NLRP14: variants seen among roughly 807,000 people sequenced by gnomAD.
NLRP14 encodes NLR family pyrin domain containing 14.
NLRP14 carries 105 observed loss-of-function variants against 94.7 expected under a neutral mutation model. That is an observed-to-expected ratio of 1.11 (90% CI 0.95 to 1.30). The LOEUF (loss-of-function observed/expected upper bound fraction) is 1.30, where lower values mean the gene tolerates loss of function less well. Ranked by LOEUF, NLRP14 falls within the 50% of genes most tolerant of loss-of-function variation. The pLI is 0.00. For synonymous variants in NLRP14, 508 were observed against 459.9 expected, an observed-to-expected ratio of 1.10 and a Z score of -1.34; for missense variants, 1,362 against 1,254.1, an observed-to-expected ratio of 1.09 and a Z score of -1.30.
At chr11:7,047,316 T>TC (rs1302576345) in intron 5 of NLRP14, among the ~76,000 whole-genome samples, 11 of 21,730 alleles carry the variant, frequency 5.1e-4, no homozygotes, top group African/African-American at 5.9e-4. Flanking sequence ...TGTACCCCTT[T>TC]CGTTTTTTTT....
chr11:7,090,094 G>A, the NLRP14 span: 2 of 1,611,886 alleles, frequency 1.2e-6, no homozygotes. Context: ...GGCCGCGACA[G>A]TTACAGCAGC....
chr11:7,021,853 C>T (rs1851946449), intron 1 of NLRP14, among the ~76,000 whole-genome samples: 1 of 150,818 alleles, frequency 6.6e-6, no homozygotes, highest in Non-Finnish European at 1.5e-5. Context: ...AATGCAGAGA[C>T]ATTGACCGGT....
chr11:7,048,881 T>C (rs7118931), intron 5 of NLRP14, among the ~76,000 whole-genome samples: 96,268 of 151,936 alleles, frequency 0.63, 30,987 homozygotes, highest in East Asian at 0.87. Flanking sequence ...GGTCCCTTTT[T>C]CCTAATAAGT....
downstream of NLRP14, among the ~76,000 whole-genome samples, chr11:7,072,336 A>T (rs1852813165): frequency 6.6e-6 from 1 of 152,232 alleles, no homozygotes; most frequent in Non-Finnish European, 1.5e-5. Flanking sequence ...TCCTGTTATC[A>T]GCCGGAAGTC....
intron 6 of NLRP14, among the ~76,000 whole-genome samples, chr11:7,055,907 G>A (rs1375184616): frequency 6.6e-6 from 1 of 152,028 alleles, no homozygotes; most frequent in Non-Finnish European, 1.5e-5. Flanking sequence ...GCACTATTAA[G>A]AGGAAGTCGT....
rs373713380 is a variant in NLRP14 at position 7,039,805 on chromosome 11, A to C, written c.361+20A>C. Reference sequence around the variant, plus strand: ...TGCTGGGTGAGTAGTTAGGCCTTTCATCAGATTTGGGAGGCATTCAAAGTT... The same window carrying C: ...TGCTGGGTGAGTAGTTAGGCCTTTCCTCAGATTTGGGAGGCATTCAAAGTT... On this transcript the variant is annotated intron_variant, in intron 3 of 11. Transcript: ENST00000299481. 7 of 1,594,082 alleles carry C rather than the reference A, an allele frequency of 4.4e-6. No individual in the cohort carries two copies. Among genetic ancestry groups the C allele is most frequent in the Non-Finnish European group, 1.7e-6 (2 of 1,161,752 alleles).
chr11:7,038,598 A>G lies in NLRP14; in HGVS notation c.12A>G (p.Ser4=). ...AATATTTGGACAAGATGGCAGATTC[A>G]TCATCATCTTCTTTCTTTCCTGATT... MAD[S]SSSSFFPDFG... is the part of the protein sequence containing the mutation. Residue 4 remains serine (S), a synonymous_variant, in exon 2 of 12, where the codon TCA becomes TCG. Coordinates refer to ENST00000299481, the MANE Select transcript of NLRP14 (RefSeq NM_176822.4). 1.9e-6 allele frequency: 3 copies of G among 1,613,810 alleles called. No homozygotes were observed. The highest frequency in any genetic ancestry group is 2.5e-6 in the Non-Finnish European group (3 of 1,179,960).
chr11:7,036,975 G>C (rs929564944), intron 1 of NLRP14, among the ~76,000 whole-genome samples: 3 of 152,114 alleles, frequency 2.0e-5, no homozygotes, highest in Non-Finnish European at 2.9e-5. Context: ...TTAGATCACA[G>C]GTAGAGAAAT....
Position 7,042,941 on chromosome 11 carries a change from GACA to G in NLRP14, c.920_922del (p.Thr307del). On this transcript the variant is annotated inframe_deletion, in exon 4 of 12. Transcript: ENST00000299481. The stretch of plus-strand genomic sequence containing the variant: ...TGCTCCCTGAGGCATCCTTATTGGT[GACA>G]ACAAGACTCACAACTTCTAAGAGAC... 1 of 1,613,994 alleles carries G rather than the reference GACA, an allele frequency of 6.2e-7. No individual in the cohort carries two copies. Among genetic ancestry groups the G allele is most frequent in the Non-Finnish European group, 8.5e-7 (1 of 1,179,878 alleles).
intron 1 of NLRP14, among the ~76,000 whole-genome samples, chr11:7,021,431 C>A (rs192892283): frequency 2.0e-5 from 3 of 152,288 alleles, no homozygotes; most frequent in Admixed American, 2.0e-4. Context: ...CTGGAGACCA[C>A]ATTTTGAAAA....
chr11:7,064,013 T>A (rs992902417), intron 10 of NLRP14, among the ~76,000 whole-genome samples: 2 of 152,076 alleles, frequency 1.3e-5, no homozygotes, highest in African/African-American at 4.8e-5. Flanking sequence ...AACATGTAAC[T>A]GAAAGGGGTA....
chr11:7,035,356 A>T (rs1389933126), intron 1 of NLRP14, among the ~76,000 whole-genome samples: 2 of 152,072 alleles, frequency 1.3e-5, no homozygotes, highest in Non-Finnish European at 2.9e-5. Context: ...TTAGCAGTAG[A>T]GGTTAGACTC....
chr11:7,058,002 A>T (rs1852543898), intron 7 of NLRP14, among the ~76,000 whole-genome samples, 155 bp downstream of exon 7: 1 of 151,068 alleles, frequency 6.6e-6, no homozygotes. Flanking sequence ...CTCTTCCTCT[A>T]CTTCCCTCTC....
downstream of NLRP14, among the ~76,000 whole-genome samples, chr11:7,074,842 A>T (rs1424020115): frequency 6.6e-6 from 1 of 152,246 alleles, no homozygotes; most frequent in Non-Finnish European, 1.5e-5. Context: ...GGGACGTGTC[A>T]GTGAAATTAA....
intron 6 of NLRP14, among the ~76,000 whole-genome samples, chr11:7,056,436 C>T (rs547650307): frequency 4.6e-4 from 64 of 140,472 alleles, no homozygotes; most frequent in African/African-American, 1.6e-3. Context: ...AAAGAGGGAA[C>T]ATTTTATTTT....
intron 6 of NLRP14, among the ~76,000 whole-genome samples, chr11:7,052,691 A>T (rs1852457821): frequency 6.6e-6 from 1 of 152,204 alleles, no homozygotes; most frequent in African/African-American, 2.4e-5. Context: ...GCAAATATCC[A>T]CAGCTGTGTC....
chr11:7,090,801 C>A, the NLRP14 span: 1 of 171,306 alleles, frequency 5.8e-6, no homozygotes, highest in Non-Finnish European at 1.4e-5. Flanking sequence ...AAGCAAACAA[C>A]CAGCAACAAC....
At chr11:7,064,894 A>C (rs1312184681) in intron 10 of NLRP14, among the ~76,000 whole-genome samples, 26 of 151,892 alleles carry the variant, frequency 1.7e-4, no homozygotes, top group Admixed American at 1.7e-3. Context: ...GTTATAAACC[A>C]CATTTTCATT....
chr11:7,031,443 G>T (rs1388195753), intron 1 of NLRP14, among the ~76,000 whole-genome samples: 1 of 152,186 alleles, frequency 6.6e-6, no homozygotes, highest in Non-Finnish European at 1.5e-5. Context: ...GACCTTGAGG[G>T]TGCGAGTCCA....
Sources: allele counts gnomAD v4.1 joint callset (sites outside exome capture counted in the v4.1 genomes callset), GRCh38; gene constraint gnomAD v4.1.1; transcripts MANE v1.5; gene names NCBI Gene and HGNC (gene_info 2026-07-23, HGNC 2026-07-21).